Variants in PCCA observed in about 807,000 individuals in gnomAD.
PCCA encodes the protein propionyl-CoA carboxylase alpha chain, mitochondrial.
In PCCA, 74 loss-of-function variants were observed where a neutral mutation model predicts 101.3. That is an observed-to-expected ratio of 0.73 (90% confidence interval 0.61 to 0.89). The LOEUF (loss-of-function observed/expected upper bound fraction) is 0.89. Among genes scored for constraint, PCCA ranks in the 40% least tolerant of loss-of-function variants. The probability of loss-of-function intolerance (pLI) is 0.00; values close to 1 mark genes in which losing one functional copy is unlikely to be tolerated. For missense variants in PCCA, 891 were observed against 907.0 expected, an observed-to-expected ratio of 0.98 and a Z score of 0.23; for synonymous variants, 294 against 313.6, an observed-to-expected ratio of 0.94 and a Z score of 0.66.
At chr13:100,148,164 G>A (rs1390773534) in intron 4 of PCCA, among the ~76,000 whole-genome samples, 1 of 152,104 alleles carries the variant, frequency 6.6e-6, no homozygotes, top group Non-Finnish European at 1.5e-5. Flanking sequence ...TGGAATCACA[G>A]CTCACTGCCA....
At chr13:100,348,910 CTTTCTTTTCT>C (rs201677268) in intron 18 of PCCA, among the ~76,000 whole-genome samples, 5 of 51,498 alleles carry the variant, frequency 9.7e-5, no homozygotes, top group Admixed American at 2.0e-4. Flanking sequence ...TCCTTCCTTC[CTTTCTTTTCT>C]TTTCTTTTCT....
intron 6 of PCCA, among the ~76,000 whole-genome samples, chr13:100,178,940 G>A (rs1566644956): frequency 6.6e-6 from 1 of 151,706 alleles, no homozygotes; most frequent in Admixed American, 6.6e-5. Context: ...AGCTGGGCGT[G>A]GTGGCAGGCG....
intron 7 of PCCA, among the ~76,000 whole-genome samples, chr13:100,219,694 C>T (rs973917790): frequency 2.6e-5 from 4 of 152,110 alleles, no homozygotes; most frequent in African/African-American, 7.2e-5. Context: ...AGTGAAAATT[C>T]GTCTTGTGAG....
At chr13:100,115,243 A>T (rs1029268767) in intron 4 of PCCA, among the ~76,000 whole-genome samples, 1 of 151,872 alleles carries the variant, frequency 6.6e-6, no homozygotes, top group African/African-American at 2.4e-5. Context: ...TCATAGAGAG[A>T]GAGTAGAAGG....
chr13:100,155,866 C>G (rs761813056), intron 5 of PCCA, among the ~76,000 whole-genome samples: 1 of 152,148 alleles, frequency 6.6e-6, no homozygotes, highest in Non-Finnish European at 1.5e-5. Flanking sequence ...AAGCCTAATT[C>G]GTGAACCCAT....
chr13:100,370,435 G>A (rs933225550), intron 19 of PCCA, among the ~76,000 whole-genome samples: 2 of 152,146 alleles, frequency 1.3e-5, no homozygotes, highest in South Asian at 2.1e-4. Context: ...GACTGCATAC[G>A]TGGTATCTTT....
intron 12 of PCCA, among the ~76,000 whole-genome samples, chr13:100,283,688 C>A (rs572884969): frequency 1.3e-5 from 2 of 152,272 alleles, no homozygotes; most frequent in Non-Finnish European, 2.9e-5. Flanking sequence ...GAGGAACAGG[C>A]CCAAAAGGAA....
At chr13:100,178,825 C>T (rs962579854) in intron 6 of PCCA, among the ~76,000 whole-genome samples, 1 of 151,970 alleles carries the variant, frequency 6.6e-6, no homozygotes, top group Non-Finnish European at 1.5e-5. Context: ...TGCCTGTAAT[C>T]CCAGCACTTT....
intron 18 of PCCA, among the ~76,000 whole-genome samples, chr13:100,360,403 C>G (rs554251194): frequency 6.6e-6 from 1 of 152,246 alleles, no homozygotes; most frequent in Non-Finnish European, 1.5e-5. Flanking sequence ...CTGAAATGGG[C>G]TCACCCCTGT....
At chr13:100,307,800 C>T (rs1365580434) in intron 15 of PCCA, among the ~76,000 whole-genome samples, 1 of 152,138 alleles carries the variant, frequency 6.6e-6, no homozygotes, top group Non-Finnish European at 1.5e-5. Flanking sequence ...TCTTTAAACC[C>T]TTAAAACCGT....
intron 1 of PCCA, among the ~76,000 whole-genome samples, chr13:100,101,860 C>T (rs949197109): frequency 3.3e-5 from 5 of 152,182 alleles, no homozygotes; most frequent in Admixed American, 6.5e-5. Flanking sequence ...GCCTTGACCT[C>T]CCAAAGTGCT....
At chr13:100,346,745 T>G (rs1167553192) in intron 18 of PCCA, among the ~76,000 whole-genome samples, 1 of 152,208 alleles carries the variant, frequency 6.6e-6, no homozygotes, top group African/African-American at 2.4e-5. Context: ...TGTTGTCTTA[T>G]TTTAAGAAAC....
chr13:100,139,638 G>A (rs577679461), intron 4 of PCCA, among the ~76,000 whole-genome samples: 3 of 152,074 alleles, frequency 2.0e-5, no homozygotes, highest in East Asian at 3.9e-4. Context: ...TGTTTCAAGA[G>A]TGTTCATAAT....
At chr13:100,492,825 C>G (rs2085000936) in intron 21 of PCCA, among the ~76,000 whole-genome samples, 1 of 151,484 alleles carries the variant, frequency 6.6e-6, no homozygotes, top group South Asian at 2.1e-4. Flanking sequence ...GGGAAGGTAG[C>G]AGAGATCAGC....
chr13:100,094,824 T>C (rs777778492), intron 1 of PCCA, among the ~76,000 whole-genome samples: 1 of 152,134 alleles, frequency 6.6e-6, no homozygotes, highest in African/African-American at 2.4e-5. Context: ...TTGACCTCAA[T>C]TGATCCGCCT....
At chr13:100,243,531 A>G (rs2061271738) in intron 8 of PCCA, among the ~76,000 whole-genome samples, 1 of 152,216 alleles carries the variant, frequency 6.6e-6, no homozygotes, top group Non-Finnish European at 1.5e-5. Context: ...AGGATTATTC[A>G]AATAAATTCA....
At chr13:100,132,497 C>CT (rs1389879894) in intron 4 of PCCA, among the ~76,000 whole-genome samples, 2 of 152,242 alleles carry the variant, frequency 1.3e-5, no homozygotes, top group East Asian at 3.9e-4. Context: ...TAGAATGTTC[C>CT]TTTTTTATTA....
At chr13:100,317,124 A>T (rs2067448240) in intron 16 of PCCA, among the ~76,000 whole-genome samples, 3 of 152,238 alleles carry the variant, frequency 2.0e-5, no homozygotes, top group Admixed American at 2.0e-4. Flanking sequence ...TTGCAAAAAC[A>T]CTTGTAAATT....
At chr13:100,134,209 A>G (rs1222486477) in intron 4 of PCCA, among the ~76,000 whole-genome samples, 1 of 152,208 alleles carries the variant, frequency 6.6e-6, no homozygotes, top group African/African-American at 2.4e-5. Context: ...ACCTCTGTCA[A>G]AAATCAAATG....
Sources: gnomAD v4.1 joint callset for allele counts (sites outside exome capture counted in the v4.1 genomes callset) on GRCh38, gnomAD v4.1.1 for gene constraint, MANE v1.5 for transcripts, NCBI Gene and HGNC (gene_info 2026-07-23, HGNC 2026-07-21) for gene names.